Variants in LINC00305 observed in about 807,000 individuals in gnomAD.
LINC00305 encodes the protein long intergenic non-protein coding RNA 305.
chr18:64,144,234 G>T (rs899282696), intron 1 of LINC00305, among the ~76,000 whole-genome samples: 24 of 152,100 alleles, frequency 1.6e-4, no homozygotes, highest in Admixed American at 2.0e-4. Flanking sequence ...TATAGAATTA[G>T]GTTTTGTTGC....
chr18:64,089,149 G>A (rs373663406), intron 3 of LINC00305, among the ~76,000 whole-genome samples: 6 of 152,294 alleles, frequency 3.9e-5, no homozygotes, highest in East Asian at 3.9e-4. Context: ...AATCCCCAGA[G>A]GTAGAGAGAG....
At position 64,080,283 on chromosome 18, in the gene LINC00305, A is replaced by G. The variant is rs1217568842; in HGVS notation, n.660T>C. ...TGTCATCTTCTCTGTTTTCAAAGAAACAGAAAACGTCATCCAGCTTAGTGA... is the reference window on the plus strand; with the variant it reads ...TGTCATCTTCTCTGTTTTCAAAGAAGCAGAAAACGTCATCCAGCTTAGTGA... On this transcript the variant is annotated non_coding_transcript_exon_variant, in exon 4 of 4. Coordinates refer to ENST00000666468, the Ensembl canonical transcript of LINC00305. 4 of 456,606 alleles carry G rather than the reference A, an allele frequency of 8.8e-6. No homozygotes were observed. The Admixed American group carries it at 9.4e-5, about 11-fold the overall frequency. 28.3% of individuals were successfully genotyped at this position (456,606 alleles called of 1,614,324 possible).
intron 1 of LINC00305, among the ~76,000 whole-genome samples, chr18:64,110,824 A>G (rs1207214765): frequency 2.0e-5 from 3 of 152,236 alleles, no homozygotes; most frequent in Admixed American, 1.3e-4. Context: ...CTACACTTGG[A>G]AAACATTAGG....
intron 1 of LINC00305, among the ~76,000 whole-genome samples, chr18:64,125,624 C>T (rs1012490998): frequency 7.1e-6 from 1 of 140,974 alleles, no homozygotes; most frequent in African/African-American, 2.6e-5. Context: ...CCATATATGT[C>T]TTAAATCTAT....
Position 64,102,494 on chromosome 18 carries a change from TAA to T in LINC00305, n.315-3856_315-3855del, listed in dbSNP as rs1423350723. ...GGGTAAAATATAATGGCATTTTAAA[TAA>T]AGAACTGAAGAGACATACCCAAATG... is the stretch of plus-strand genomic sequence containing the variant. On this transcript the variant is annotated intron_variant and non_coding_transcript_variant, in intron 1 of 3. Coordinates refer to ENST00000666468, the Ensembl canonical transcript of LINC00305. Among the ~76,000 whole-genome samples, 3 of 152,104 alleles carry T rather than the reference TAA, an allele frequency of 2.0e-5. No individual in the cohort carries two copies. The East Asian group carries it at 5.8e-4, about 29-fold the overall frequency.
Position 64,114,658 on chromosome 18 carries a change from C to T in LINC00305, n.315-16018G>A, listed in dbSNP as rs1380418665. On this transcript the variant is annotated intron_variant and non_coding_transcript_variant, in intron 1 of 3. Transcript: ENST00000666468. ...CTGCCTCCTGGGTTCAAGTGATTCTCCTGCCTTAGCCTCCAGAGTAGCTGA... is the reference window on the plus strand; with the variant it reads ...CTGCCTCCTGGGTTCAAGTGATTCTTCTGCCTTAGCCTCCAGAGTAGCTGA... 9.9e-5 allele frequency among the ~76,000 whole-genome samples: 15 copies of T among 152,204 alleles called. 1 individual carries two copies. Among genetic ancestry groups the T allele is most frequent in the Non-Finnish European group, 1.5e-5 (1 of 68,042 alleles).
chr18:64,122,990 A>T (rs1375054093), intron 1 of LINC00305, among the ~76,000 whole-genome samples: 1 of 151,920 alleles, frequency 6.6e-6, no homozygotes, highest in Admixed American at 6.6e-5. Context: ...TGGTTCTCAG[A>T]TTGTAATTGG....
chr18:64,112,866 TG>T (rs1410112137), intron 1 of LINC00305, among the ~76,000 whole-genome samples: 1 of 152,208 alleles, frequency 6.6e-6, no homozygotes, highest in Non-Finnish European at 1.5e-5. Context: ...CTCAATTCCT[TG>T]TTAAGAAAAC....
At chr18:64,107,244 C>G (rs539737685) in intron 1 of LINC00305, among the ~76,000 whole-genome samples, 1 of 152,138 alleles carries the variant, frequency 6.6e-6, no homozygotes, top group Non-Finnish European at 1.5e-5. Context: ...GTTCTGGGCT[C>G]ATATTCTGGG....
chr18:64,125,410 T>TA (rs200652233), intron 1 of LINC00305, among the ~76,000 whole-genome samples: 11,274 of 151,376 alleles, frequency 0.074, 573 homozygotes, highest in Non-Finnish European at 0.12. Context: ...CACAATTAAA[T>TA]AAAAAAAAAT....
exon 1 of LINC00305, chr18:64,148,811 A>G (rs1284977640): frequency 6.6e-6 from 1 of 152,226 alleles, no homozygotes; most frequent in Non-Finnish European, 1.5e-5. Context: ...GGTGTGGTCA[A>G]TCTTAGGCTT....
chr18:64,127,874 C>G lies in LINC00305; in HGVS notation n.314+20901G>C, dbSNP rs145234596. On this transcript the variant is annotated intron_variant and non_coding_transcript_variant, in intron 1 of 3. Transcript: ENST00000666468. ...ATTACTCTATTTTCTAAATTTTATT[C>G]TCATGTAGAGGGCCCTGAACATGCT... Among the ~76,000 whole-genome samples the G allele has an allele frequency of 6.9e-3, 1,055 of 152,140 alleles. 8 individuals are homozygous for G. Among genetic ancestry groups the G allele is most frequent in the African/African-American group, 0.025 (1,022 of 41,516 alleles).
chr18:64,114,084 T>A (rs1347123697), intron 1 of LINC00305, among the ~76,000 whole-genome samples: 1 of 152,028 alleles, frequency 6.6e-6, no homozygotes, highest in Non-Finnish European at 1.5e-5. Flanking sequence ...CCTGGCTAAC[T>A]CGGTGAAACC....
intron 1 of LINC00305, among the ~76,000 whole-genome samples, chr18:64,106,188 T>C (rs192518724): frequency 6.6e-5 from 10 of 152,294 alleles, no homozygotes; most frequent in Admixed American, 6.5e-4. Flanking sequence ...TTTGGAAGTG[T>C]TGTGTATATT....
At chr18:64,108,087 T>A (rs151165455) in intron 1 of LINC00305, among the ~76,000 whole-genome samples, 1 of 152,344 alleles carries the variant, frequency 6.6e-6, no homozygotes, top group Non-Finnish European at 1.5e-5. Flanking sequence ...TTTCTATTAC[T>A]TATGGCAGAG....
chr18:64,091,720 C>T (rs2051225604), intron 3 of LINC00305, among the ~76,000 whole-genome samples: 1 of 152,158 alleles, frequency 6.6e-6, no homozygotes, highest in African/African-American at 2.4e-5. Flanking sequence ...ACCACACTCT[C>T]CCTGTTGCTA....
chr18:64,114,809 G>A (rs1473662115), intron 1 of LINC00305, among the ~76,000 whole-genome samples: 4 of 152,188 alleles, frequency 2.6e-5, no homozygotes, highest in East Asian at 1.9e-4. Context: ...TCGGCCTCCC[G>A]AAGTGCTGGG....
chr18:64,117,164 T>A (rs1259895122), intron 1 of LINC00305, among the ~76,000 whole-genome samples: 1 of 152,190 alleles, frequency 6.6e-6, no homozygotes, highest in Non-Finnish European at 1.5e-5. Flanking sequence ...AGAGGCCCTG[T>A]TTTACAGGGA....
intron 3 of LINC00305, among the ~76,000 whole-genome samples, chr18:64,089,766 G>A (rs2676667): frequency 0.14 from 21,959 of 152,220 alleles, 1,680 homozygotes; most frequent in Non-Finnish European, 0.17. Context: ...GGAGCAAGTC[G>A]CGTCTTATAT....
Sources: gnomAD v4.1 joint callset for allele counts (sites outside exome capture counted in the v4.1 genomes callset) on GRCh38, gnomAD v4.1.1 for gene constraint, MANE v1.5 for transcripts, NCBI Gene and HGNC (gene_info 2026-07-23, HGNC 2026-07-21) for gene names.